Variants in GOLGA1 observed in about 807,000 individuals in gnomAD.
The protein encoded by GOLGA1 is golgin A1, also known as golgin subfamily A member 1.
GOLGA1 carries 63 observed loss-of-function variants against 119.7 expected under a neutral mutation model. The observed-to-expected ratio is 0.53, with a 90% CI of 0.43 to 0.65. GOLGA1 has a LOEUF of 0.65. Among genes scored for constraint, GOLGA1 ranks in the 30% least tolerant of loss-of-function variants. The probability of loss-of-function intolerance (pLI) is 0.00; values close to 1 mark genes in which losing one functional copy is unlikely to be tolerated. For missense variants in GOLGA1, 798 were observed against 912.8 expected (o/e 0.87, Z 1.62); for synonymous variants, 318 against 333.4 (o/e 0.95, Z 0.50).
chr9:124,915,885 A>G (rs1057466223), intron 10 of GOLGA1, among the ~76,000 whole-genome samples: 6 of 151,988 alleles, frequency 3.9e-5, no homozygotes, highest in African/African-American at 1.4e-4. Flanking sequence ...AGGCAGATCA[A>G]GAGGTCAGGA....
At position 124,946,219 on chromosome 9, in the gene GOLGA1, A is replaced by C. The variant is rs1033523063; in HGVS notation, c.-156+1699T>G. The C allele has an allele frequency of 2.6e-5, 4 of 152,200 alleles. No homozygotes were observed. The highest frequency in any genetic ancestry group is 5.9e-5 in the Non-Finnish European group (4 of 68,030). The allele number at this position is 152,200 out of a possible 1,614,324, so 9.4% of individuals were successfully genotyped here. A position where few individuals can be genotyped will look rare whatever the true frequency, so the allele number is the denominator to read the frequency against. On this transcript the variant is annotated intron_variant, in intron 1 of 4. Transcript: ENST00000421514. The surrounding 1 kb of genome is among the most constrained non-coding windows in gnomAD (Gnocchi z 4.0). ...TTCAAACAACAAACCATCAGATCCT[A>C]TGGATGTTTTCACTGATTTTTCAGA... is the stretch of plus-strand genomic sequence containing the variant.
rs138027526 is a variant in GOLGA1, at chr9:124,934,263, G to C, written c.136-2857C>G. 8.5e-5 allele frequency among the ~76,000 whole-genome samples: 13 copies of C among 152,250 alleles called. No homozygotes were observed. In the East Asian group the frequency reaches 2.5e-3, roughly 29 times the overall value. On this transcript the variant is annotated intron_variant, in intron 3 of 22. Coordinates refer to ENST00000373555, the MANE Select transcript of GOLGA1 (RefSeq NM_002077.4). ...ATGAAACTCCCAGTTCAGTGGAAGA[G>C]ACAAACAAGCAAATCATCAATAATA...
upstream of GOLGA1, among the ~76,000 whole-genome samples, chr9:124,942,058 C>T (rs1354560535): frequency 1.3e-5 from 2 of 152,254 alleles, no homozygotes; most frequent in East Asian, 3.9e-4. Flanking sequence ...GGTGGTTCAC[C>T]CGAGGTCAGG....
intron 7 of GOLGA1, among the ~76,000 whole-genome samples, chr9:124,925,875 T>C (rs893651919): frequency 3.3e-5 from 5 of 152,204 alleles, no homozygotes; most frequent in Non-Finnish European, 7.3e-5. Flanking sequence ...ATCTCGTTTA[T>C]ATGTGGGAGC....
intron 3 of GOLGA1, among the ~76,000 whole-genome samples, chr9:124,935,755 T>C (rs1830851226): frequency 8.1e-6 from 1 of 123,190 alleles, no homozygotes. Context: ...ACAGCAAGAC[T>C]CTGTCTCCAA....
At chr9:124,896,241 C>T (rs1829984209) in intron 15 of GOLGA1, among the ~76,000 whole-genome samples, 1 of 152,032 alleles carries the variant, frequency 6.6e-6, no homozygotes, top group South Asian at 2.1e-4. Context: ...TGGTGAAACC[C>T]TGTCTCTACC....
chr9:124,941,510 C>T (rs1005032125), upstream of GOLGA1, among the ~76,000 whole-genome samples: 2 of 152,208 alleles, frequency 1.3e-5, no homozygotes, highest in Non-Finnish European at 2.9e-5. Context: ...AGCTGCCTTG[C>T]CACCGTGTGA....
At chr9:124,919,733 G>A (rs531852575) in intron 10 of GOLGA1, among the ~76,000 whole-genome samples, 1 of 152,250 alleles carries the variant, frequency 6.6e-6, no homozygotes, top group Non-Finnish European at 1.5e-5. Context: ...AGGGTGGATG[G>A]CACTGCCGAA....
At chr9:124,909,235 C>T (rs1004476924) in intron 11 of GOLGA1, among the ~76,000 whole-genome samples, 1 of 151,602 alleles carries the variant, frequency 6.6e-6, no homozygotes, top group Non-Finnish European at 1.5e-5. Flanking sequence ...ATTACTTGAA[C>T]CCAGGAAGCG....
At chr9:124,903,459 C>G (rs1445688565) in intron 12 of GOLGA1, among the ~76,000 whole-genome samples, 1 of 150,566 alleles carries the variant, frequency 6.6e-6, no homozygotes, top group African/African-American at 2.4e-5. Flanking sequence ...GCCTGGGCAA[C>G]AGAGCGAGAT....
intron 10 of GOLGA1, among the ~76,000 whole-genome samples, chr9:124,920,620 G>A (rs1467883739): frequency 1.5e-4 from 23 of 152,102 alleles, no homozygotes; most frequent in Non-Finnish European, 4.4e-5. Context: ...TCATGCTCAA[G>A]GTCCATTATG....
intron 9 of GOLGA1, 106 bp from the exon 10 acceptor site, chr9:124,921,346 CATCATTAG>C (rs1830565888): frequency 2.8e-6 from 2 of 724,188 alleles, no homozygotes; most frequent in African/African-American, 3.5e-5. Flanking sequence ...GGGCTACAAG[CATCATTAG>C]CCACATGCAG....
In GOLGA1 at chr9:124,911,927, C is replaced by G; in HGVS notation, c.943G>C (p.Glu315Gln). Residue 315 changes from glutamate (E) to glutamine (Q), a missense_variant, in exon 11 of 23, where the codon GAA (glutamate) becomes CAA (glutamine). Transcript: ENST00000373555. Reference sequence around the variant, plus strand: ...TCTTTCAGGAGTTCTTGCAAGTGTTCTTCTCCTGATAAGTTCTGTTCTAGT... The same window carrying G: ...TCTTTCAGGAGTTCTTGCAAGTGTTGTTCTCCTGATAAGTTCTGTTCTAGT... ...KRLEQNLSGE[E>Q]HLQELLKEKT... The G allele has an allele frequency of 6.2e-7, 1 of 1,611,308 alleles. No homozygotes were observed. The highest frequency in any genetic ancestry group is 8.5e-7 in the Non-Finnish European group (1 of 1,177,462).
intron 9 of GOLGA1, 113 bp downstream of exon 9, chr9:124,921,610 T>G: frequency 1.2e-6 from 1 of 856,620 alleles, no homozygotes; most frequent in Non-Finnish European, 1.9e-6. Context: ...CAGAAGCCTT[T>G]GCCAGCACCG....
intron 2 of GOLGA1, 94 bp from the exon 3 acceptor site, chr9:124,938,960 A>C (rs1040210498): frequency 1.0e-5 from 4 of 395,060 alleles, no homozygotes; most frequent in Non-Finnish European, 8.9e-6. Flanking sequence ...ACTAAGTTTC[A>C]TAACTTACAT....
Position 124,888,269 on chromosome 9 carries a change from A to G in GOLGA1, c.1889T>C (p.Leu630Pro). The G allele has an allele frequency of 6.2e-7, 1 of 1,614,140 alleles. No homozygotes were observed. Among genetic ancestry groups the G allele is most frequent in the Non-Finnish European group, 8.5e-7 (1 of 1,179,976 alleles). The change falls in exon 19 of 23, where the codon CTT (leucine) becomes CCT (proline). Residue 630 changes from leucine (L) to proline (P), a missense_variant. Physicochemically the swap from Leu to Pro is moderately conservative, Grantham distance 98. Transcript: ENST00000373555. The surrounding 1 kb of genome is among the most constrained non-coding windows in gnomAD (Gnocchi z 4.4). The part of the protein sequence containing the change: ...QKEKQDLEQQ[L>P]LEKNKTIKQM... ...CATCCTCACCTTATTTTTCTCCAGA[A>G]GTTGCTGCTCCAAGTCCTGTTTCTC...
At chr9:124,883,257 C>G (rs891859236) in intron 19 of GOLGA1, among the ~76,000 whole-genome samples, 4 of 149,624 alleles carry the variant, frequency 2.7e-5, no homozygotes, top group Non-Finnish European at 4.4e-5. Context: ...CCACCATGCC[C>G]GACTCATTTT....
chr9:124,945,150 G>A (rs1815940853), upstream of GOLGA1: 1 of 151,490 alleles, frequency 6.6e-6, no homozygotes, highest in South Asian at 2.1e-4. Flanking sequence ...GCTTGAATAA[G>A]TGAGTTTGTA....
Position 124,906,575 on chromosome 9 carries a change from C to A in GOLGA1, c.1065+1802G>T, listed in dbSNP as rs368463788. Among the ~76,000 whole-genome samples the A allele has an allele frequency of 2.6e-4, 39 of 152,218 alleles. No homozygotes were observed. In the South Asian group the frequency reaches 5.2e-3, roughly 20 times the overall value. On this transcript the variant is annotated intron_variant, in intron 12 of 22. Coordinates refer to ENST00000373555, the MANE Select transcript of GOLGA1 (RefSeq NM_002077.4). The stretch of plus-strand genomic sequence containing the variant: ...GACCAGCCTGGCCAACATGATGAAA[C>A]CCTGTCTCTACTAAAAATATAAAAA...
Sources: allele counts gnomAD v4.1 joint callset (sites outside exome capture counted in the v4.1 genomes callset), GRCh38; gene constraint gnomAD v4.1.1; non-coding constraint Gnocchi (gnomAD v3.1); transcripts MANE v1.5; gene names NCBI Gene and HGNC (gene_info 2026-07-23, HGNC 2026-07-21).